ATXN10: variants seen among roughly 807,000 people sequenced by gnomAD.
The protein encoded by ATXN10 is ataxin-10.
A neutral mutation model predicts 52.9 loss-of-function variants in ATXN10; 28 were observed. The observed-to-expected ratio is 0.53, with a 90% CI of 0.39 to 0.73. The LOEUF (loss-of-function observed/expected upper bound fraction) is 0.73, where lower values mean the gene tolerates loss of function less well. ATXN10 is among the 30% of genes least tolerant of loss of function. The pLI is 0.00. For synonymous variants in ATXN10, 226 were observed against 221.5 expected (o/e 1.02, Z -0.18); for missense variants, 565 against 577.0 (o/e 0.98, Z 0.21).
In ATXN10 at chr22:45,688,321, C is replaced by T. The variant is rs896893184; in HGVS notation, c.117-1391C>T. Among the ~76,000 whole-genome samples the T allele has an allele frequency of 6.6e-6, 1 of 151,990 alleles. No homozygotes were observed. Among genetic ancestry groups the T allele is most frequent in the Admixed American group, 6.6e-5 (1 of 15,258 alleles). ...TTTTTAATTAATTTATACTCTGCCT[C>T]TTTCAAAACCAAGTTTGAGATACCT... On this transcript the variant is annotated intron_variant, in intron 1 of 11. Coordinates refer to ENST00000252934, the MANE Select transcript of ATXN10 (RefSeq NM_013236.4). This position sits in a 1 kb window ranked among gnomAD's most constrained non-coding sequence, Gnocchi z 4.0.
chr22:45,777,307 T>C (rs2146849020), intron 9 of ATXN10, among the ~76,000 whole-genome samples: 2 of 152,364 alleles, frequency 1.3e-5, no homozygotes, highest in South Asian at 4.1e-4. Context: ...GTTTAAACCT[T>C]TGTGAACTCA....
rs1928554640 is a variant in ATXN10 at position 45,818,895 on chromosome 22, T to C, written c.1237+11873T>C. ...GCCAAGCCCCGTGACTGATGCAGGC[T>C]GATGGCAGCATCCTGGGGCCTGACC... On this transcript the variant is annotated intron_variant, in intron 10 of 11. Transcript: ENST00000252934. The surrounding 1 kb of genome is among the most constrained non-coding windows in gnomAD (Gnocchi z 4.6). 6.6e-6 allele frequency among the ~76,000 whole-genome samples: 1 copy of C among 152,192 alleles called. No individual in the cohort carries two copies. The highest frequency in any genetic ancestry group is 1.5e-5 in the Non-Finnish European group (1 of 68,020).
Position 45,712,285 on chromosome 22 carries a change from AAG to A in ATXN10, c.648-6127_648-6126del, listed in dbSNP as rs1306223150. ...ATTCTTGTTATCCAAGGAAGGAAAAAAGGGGATGCTGAACAGGGGAAAAAGTG... is the reference window on the plus strand; with the variant it reads ...ATTCTTGTTATCCAAGGAAGGAAAAAGGGATGCTGAACAGGGGAAAAAGTG... On this transcript the variant is annotated intron_variant, in intron 5 of 11. Coordinates refer to ENST00000252934, the MANE Select transcript of ATXN10 (RefSeq NM_013236.4). The surrounding 1 kb of genome is among the most constrained non-coding windows in gnomAD (Gnocchi z 4.6). 6.6e-6 allele frequency among the ~76,000 whole-genome samples: 1 copy of A among 152,196 alleles called. No individual in the cohort carries two copies. Among genetic ancestry groups the A allele is most frequent in the African/African-American group, 2.4e-5 (1 of 41,458 alleles).
intron 1 of ATXN10, 25 bp downstream of exon 1, chr22:45,672,204 C>T (rs1365125128): frequency 5.3e-6 from 8 of 1,512,388 alleles, no homozygotes; most frequent in East Asian, 2.6e-5. Context: ...CGGGGGGCTG[C>T]CCCGGGCAGG....
chr22:45,709,877 C>G (rs764648972), intron 5 of ATXN10, among the ~76,000 whole-genome samples: 1 of 152,182 alleles, frequency 6.6e-6, no homozygotes, highest in African/African-American at 2.4e-5. Context: ...ACCATTTACT[C>G]GTTTGCTGAG....
At position 45,840,605 on chromosome 22, in the gene ATXN10, C is replaced by T. The variant is rs563806832; in HGVS notation, c.1238-2386C>T. On this transcript the variant is annotated intron_variant, in intron 10 of 11. Transcript: ENST00000252934. This position sits in a 1 kb window ranked among gnomAD's most constrained non-coding sequence, Gnocchi z 5.8. ...CCTGGCAGGAGAGGTGGGTAGGGGCCGTCTGGCAGGGTCTCACGTGCCCTG... is the reference window on the plus strand; with the variant it reads ...CCTGGCAGGAGAGGTGGGTAGGGGCTGTCTGGCAGGGTCTCACGTGCCCTG... 8.5e-5 allele frequency among the ~76,000 whole-genome samples: 13 copies of T among 152,258 alleles called. No individual in the cohort carries two copies. The highest frequency in any genetic ancestry group is 1.4e-4 in the African/African-American group (6 of 41,540).
chr22:45,694,940 C>CAAAAAAAAAAAA (rs748780048), intron 3 of ATXN10, among the ~76,000 whole-genome samples: 1 of 21,922 alleles, frequency 4.6e-5, no homozygotes, highest in African/African-American at 1.5e-4. Flanking sequence ...GACTCTGTCT[C>CAAAAAAAAAAAA]AAAAAAAAAA....
intron 9 of ATXN10, among the ~76,000 whole-genome samples, chr22:45,764,600 T>TA (rs1214185176): frequency 6.6e-6 from 1 of 152,200 alleles, no homozygotes; most frequent in East Asian, 1.9e-4. Context: ...GAAGCTAAGA[T>TA]AGAGTTTTCT....
intron 5 of ATXN10, 123 bp downstream of exon 5, chr22:45,702,970 T>C (rs955232059): frequency 8.2e-6 from 10 of 1,216,712 alleles, no homozygotes; most frequent in Non-Finnish European, 1.2e-5. Context: ...ACTTAACATG[T>C]GTTGACAGAA....
Position 45,690,944 on chromosome 22 carries a change from A to T in ATXN10, c.308+1041A>T, listed in dbSNP as rs1923348585. Among the ~76,000 whole-genome samples the T allele has an allele frequency of 6.6e-6, 1 of 152,156 alleles. No homozygotes were observed. The highest frequency in any genetic ancestry group is 1.5e-5 in the Non-Finnish European group (1 of 68,020). On this transcript the variant is annotated intron_variant, in intron 2 of 11. Transcript: ENST00000252934. The surrounding 1 kb of genome is among the most constrained non-coding windows in gnomAD (Gnocchi z 4.5). ...TCCAGGCTTCCCTGTCACCACTGTG[A>T]CGGGTAAGCTTGGGCTGGTCCAGAA...
At chr22:45,707,490 AACTT>A (rs1301424722) in intron 5 of ATXN10, among the ~76,000 whole-genome samples, 1 of 151,918 alleles carries the variant, frequency 6.6e-6, no homozygotes, top group Admixed American at 6.6e-5. Context: ...CATTAGAGTC[AACTT>A]ACTTAGAGAA....
chr22:45,778,743 A>G (rs1286949968), intron 9 of ATXN10, among the ~76,000 whole-genome samples: 1 of 152,228 alleles, frequency 6.6e-6, no homozygotes, highest in East Asian at 1.9e-4. Context: ...GATTGACAAG[A>G]TTGTTCTTGG....
intron 9 of ATXN10, among the ~76,000 whole-genome samples, chr22:45,742,536 A>T (rs1255863347): frequency 1.3e-5 from 2 of 152,178 alleles, no homozygotes; most frequent in Non-Finnish European, 2.9e-5. Flanking sequence ...AAAATAAAAA[A>T]AAAAAAATAC....
chr22:45,735,536 A>G (rs918422504), intron 7 of ATXN10, among the ~76,000 whole-genome samples: 1 of 152,194 alleles, frequency 6.6e-6, no homozygotes, highest in Non-Finnish European at 1.5e-5. Flanking sequence ...ATGTGTTTAT[A>G]TGCCATAAAG....
rs911533392 is a variant in ATXN10 at position 45,718,835 on chromosome 22, G to C, written c.728+342G>C. 6.6e-6 allele frequency among the ~76,000 whole-genome samples: 1 copy of C among 152,094 alleles called. No individual in the cohort carries two copies. The highest frequency in any genetic ancestry group is 1.5e-5 in the Non-Finnish European group (1 of 68,006). On this transcript the variant is annotated intron_variant, in intron 6 of 11. Coordinates refer to ENST00000252934, the MANE Select transcript of ATXN10 (RefSeq NM_013236.4). This position sits in a 1 kb window ranked among gnomAD's most constrained non-coding sequence, Gnocchi z 4.4. ...TATTTGAGGTGTACTCATTTGTTTA[G>C]GTCATGGGTGTTATTATTTGTGATA...
chr22:45,810,307 A>G (rs1383876771), intron 10 of ATXN10, among the ~76,000 whole-genome samples: 1 of 152,206 alleles, frequency 6.6e-6, no homozygotes, highest in Non-Finnish European at 1.5e-5. Context: ...CTTAATTACT[A>G]TAGCTTTCCA....
At chr22:45,785,318 G>A (rs555283889) in intron 9 of ATXN10, among the ~76,000 whole-genome samples, 5 of 152,262 alleles carry the variant, frequency 3.3e-5, no homozygotes, top group African/African-American at 9.6e-5. Flanking sequence ...CTTTCATCTA[G>A]CTCTTTAAAT....
chr22:45,748,739 T>C (rs1925833825), intron 9 of ATXN10, among the ~76,000 whole-genome samples: 1 of 152,226 alleles, frequency 6.6e-6, no homozygotes, highest in African/African-American at 2.4e-5. Context: ...AGGCAAGATC[T>C]GGCTTGCTTA....
intron 6 of ATXN10, among the ~76,000 whole-genome samples, chr22:45,721,412 T>C (rs765954418): frequency 6.6e-6 from 1 of 152,226 alleles, no homozygotes; most frequent in South Asian, 2.1e-4. Context: ...GAAATTGTTA[T>C]GATAACTGAT....
Sources: allele counts gnomAD v4.1 joint callset (sites outside exome capture counted in the v4.1 genomes callset), GRCh38; gene constraint gnomAD v4.1.1; non-coding constraint Gnocchi (gnomAD v3.1); transcripts MANE v1.5; gene names NCBI Gene and HGNC (gene_info 2026-07-23, HGNC 2026-07-21).